Variants in ADK observed in about 807,000 individuals in gnomAD.
The protein encoded by ADK is adenosine kinase, also known as N6,N6-dimethyladenosine kinase.
In ADK, 24 loss-of-function variants were observed where a neutral mutation model predicts 44.7. The ratio of observed to expected loss-of-function variants is 0.54; its 90% confidence interval spans 0.39 to 0.76. ADK has a LOEUF of 0.76. Ranked by LOEUF, ADK falls within the 30% of genes least tolerant of loss-of-function variation. The pLI, the probability that ADK is intolerant of heterozygous loss-of-function variation, is 0.00. For missense variants in ADK, 321 were observed against 425.1 expected, an observed-to-expected ratio of 0.76 and a Z score of 2.15; for synonymous variants, 128 against 142.6, an observed-to-expected ratio of 0.90 and a Z score of 0.73.
At chr10:74,392,343 G>A (rs1296984785) in intron 4 of ADK, among the ~76,000 whole-genome samples, 2 of 151,930 alleles carry the variant, frequency 1.3e-5, no homozygotes, top group Non-Finnish European at 2.9e-5. Flanking sequence ...CTGTGTTTTC[G>A]GTAGTAACCA....
At chr10:74,398,425 C>G in intron 5 of ADK, 46 bp from the exon 6 acceptor site, 1 of 1,320,558 alleles carries the variant, frequency 7.6e-7, no homozygotes, top group Non-Finnish European at 1.1e-6. Flanking sequence ...GAAACATATG[C>G]TAAGTTTGAC....
At chr10:74,266,510 C>A (rs541393025) in intron 3 of ADK, among the ~76,000 whole-genome samples, 1 of 151,780 alleles carries the variant, frequency 6.6e-6, no homozygotes, top group South Asian at 2.1e-4. Context: ...GATCGGAGAT[C>A]GCGCCACTGC....
intron 1 of ADK, among the ~76,000 whole-genome samples, chr10:74,175,713 G>A (rs1203424730): frequency 2.6e-5 from 4 of 152,108 alleles, no homozygotes; most frequent in Non-Finnish European, 1.5e-5. Flanking sequence ...GTTGCTTGAG[G>A]CTAGGAGTTC....
chr10:74,176,448 A>C, intron 1 of ADK: 1 of 1,070,794 alleles, frequency 9.3e-7, no homozygotes, highest in East Asian at 7.6e-5. Flanking sequence ...TTGCCGAGGT[A>C]GACAGTGGCC....
intron 7 of ADK, among the ~76,000 whole-genome samples, chr10:74,535,195 G>T (rs187052584): frequency 6.6e-6 from 1 of 152,104 alleles, no homozygotes; most frequent in Non-Finnish European, 1.5e-5. Context: ...GAACCATAGC[G>T]CACACCTGTA....
At chr10:74,349,618 G>A (rs1485902889) in intron 4 of ADK, among the ~76,000 whole-genome samples, 1 of 152,122 alleles carries the variant, frequency 6.6e-6, no homozygotes, top group East Asian at 1.9e-4. Context: ...ACACGGACTG[G>A]CAAATTGGAT....
intron 7 of ADK, among the ~76,000 whole-genome samples, chr10:74,529,681 G>A (rs941828129): frequency 3.3e-5 from 5 of 152,100 alleles, no homozygotes; most frequent in Admixed American, 6.6e-5. Flanking sequence ...CATGGGGCAA[G>A]AAAATCTTTT....
At chr10:74,255,547 T>G (rs1478476482) in intron 3 of ADK, among the ~76,000 whole-genome samples, 1 of 152,210 alleles carries the variant, frequency 6.6e-6, no homozygotes, top group African/African-American at 2.4e-5. Flanking sequence ...ATATGTATAA[T>G]GATGACAACA....
At chr10:74,290,088 A>G (rs1303104126) in intron 3 of ADK, among the ~76,000 whole-genome samples, 1 of 151,868 alleles carries the variant, frequency 6.6e-6, no homozygotes, top group Non-Finnish European at 1.5e-5. Flanking sequence ...GCACACACAC[A>G]CACACACACA....
intron 4 of ADK, among the ~76,000 whole-genome samples, chr10:74,333,749 T>C (rs1841311752): frequency 6.6e-6 from 1 of 152,222 alleles, no homozygotes; most frequent in African/African-American, 2.4e-5. Context: ...TTATAAGTCC[T>C]GATTTAATGC....
At chr10:74,293,520 A>G (rs887883184) in intron 3 of ADK, among the ~76,000 whole-genome samples, 6 of 152,030 alleles carry the variant, frequency 3.9e-5, no homozygotes, top group South Asian at 4.1e-4. Context: ...ACCTTCTCCA[A>G]TGAGTCTGAG....
intron 6 of ADK, among the ~76,000 whole-genome samples, chr10:74,507,393 G>A (rs981177359): frequency 6.6e-6 from 1 of 151,884 alleles, no homozygotes; most frequent in Non-Finnish European, 1.5e-5. Context: ...TGGACAGATC[G>A]CTTGAGCCCA....
At chr10:74,195,707 C>CTTTTTTTTTTTTTTTTTT (rs71475265) in intron 1 of ADK, among the ~76,000 whole-genome samples, 14 of 97,524 alleles carry the variant, frequency 1.4e-4, no homozygotes, top group Non-Finnish European at 2.1e-4. Context: ...TCTTTTCTTT[C>CTTTTTTTTTTTTTTTTTT]TTTTTTTTTT....
intron 4 of ADK, among the ~76,000 whole-genome samples, chr10:74,359,900 C>T (rs1350527911): frequency 6.6e-6 from 1 of 151,796 alleles, no homozygotes. Context: ...TTTTTTGTAG[C>T]TATTGTAAAT....
At chr10:74,200,720 T>G (rs762157845) in intron 1 of ADK, 44 bp from the exon 2 acceptor site, 8 of 1,327,662 alleles carry the variant, frequency 6.0e-6, no homozygotes, top group African/African-American at 5.8e-5. Context: ...ACATATCAAC[T>G]TACTTTTAGA....
At chr10:74,699,838 T>G (rs1856352214) in intron 10 of ADK, among the ~76,000 whole-genome samples, 1 of 152,206 alleles carries the variant, frequency 6.6e-6, no homozygotes, top group Non-Finnish European at 1.5e-5. Flanking sequence ...TATACTGAAA[T>G]ATTTCTAACC....
intron 1 of ADK, among the ~76,000 whole-genome samples, chr10:74,172,545 C>A (rs1404318998): frequency 6.6e-6 from 1 of 151,940 alleles, no homozygotes; most frequent in Admixed American, 6.6e-5. Context: ...CAAAATCAGC[C>A]GGGTATGGTG....
intron 7 of ADK, among the ~76,000 whole-genome samples, chr10:74,568,473 A>G (rs894873799): frequency 5.9e-5 from 9 of 152,164 alleles, no homozygotes. Context: ...GTCCTAATCC[A>G]GAACCCAAGA....
At chr10:74,573,523 G>A (rs1011038075) in intron 7 of ADK, among the ~76,000 whole-genome samples, 2 of 152,196 alleles carry the variant, frequency 1.3e-5, no homozygotes, top group Admixed American at 1.3e-4. Context: ...GAGAACCACT[G>A]CTCTCTTCAA....
Sources: allele counts gnomAD v4.1 joint callset (sites outside exome capture counted in the v4.1 genomes callset), GRCh38; gene constraint gnomAD v4.1.1; transcripts MANE v1.5; gene names NCBI Gene and HGNC (gene_info 2026-07-23, HGNC 2026-07-21).